The following TRAPPC9 variants were observed in gnomAD, a reference collection of about 807,000 sequenced individuals.
The protein encoded by TRAPPC9 is IKK2 binding protein.
TRAPPC9 carries 83 observed loss-of-function variants against 124.0 expected under a neutral mutation model. The observed-to-expected ratio is 0.67, with a 90% confidence interval of 0.56 to 0.80. TRAPPC9 has a LOEUF of 0.80. Ranked by LOEUF, TRAPPC9 falls within the 30% of genes least tolerant of loss-of-function variation. The probability of loss-of-function intolerance (pLI) is 0.00; values close to 1 mark genes in which losing one functional copy is unlikely to be tolerated. For missense variants in TRAPPC9, 1,302 were observed against 1,508.3 expected (o/e 0.86, Z 2.27); for synonymous variants, 638 against 617.5 (o/e 1.03, Z -0.49).
intron 18 of TRAPPC9, among the ~76,000 whole-genome samples, chr8:140,022,998 C>T (rs568788215): frequency 2.0e-5 from 3 of 152,350 alleles, no homozygotes; most frequent in African/African-American, 4.8e-5. Context: ...TGCTGTCTCA[C>T]GCTGCAGCAC....
intron 18 of TRAPPC9, among the ~76,000 whole-genome samples, chr8:140,010,195 T>C (rs958348382): frequency 3.3e-5 from 5 of 152,312 alleles, no homozygotes; most frequent in African/African-American, 1.2e-4. Context: ...TTGTAAAATC[T>C]TAGATTTTTG....
intron 17 of TRAPPC9, among the ~76,000 whole-genome samples, chr8:140,033,730 G>A (rs185759264): frequency 0.011 from 1,423 of 125,022 alleles, 24 homozygotes; most frequent in African/African-American, 0.038. Flanking sequence ...CGCCCAGGCT[G>A]GAGTGCAGGG....
At chr8:140,327,623 C>A (rs2066773206) in intron 9 of TRAPPC9, among the ~76,000 whole-genome samples, 1 of 152,120 alleles carries the variant, frequency 6.6e-6, no homozygotes. Context: ...TACAGATAAA[C>A]CTTAAAACAT....
intron 4 of TRAPPC9, among the ~76,000 whole-genome samples, chr8:140,429,286 T>C (rs550006005): frequency 4.6e-4 from 70 of 152,008 alleles, no homozygotes; most frequent in Non-Finnish European, 8.5e-4. Flanking sequence ...GACACGGGGT[T>C]TTACCATATT....
intron 21 of TRAPPC9, among the ~76,000 whole-genome samples, chr8:139,859,885 T>G (rs547671972): frequency 6.6e-6 from 1 of 152,288 alleles, no homozygotes; most frequent in South Asian, 2.1e-4. Context: ...TTAAAACAAG[T>G]CCAGCCCCTC....
chr8:140,254,459 T>C (rs537208899), intron 15 of TRAPPC9, among the ~76,000 whole-genome samples: 213 of 152,326 alleles, frequency 1.4e-3, no homozygotes, highest in African/African-American at 4.8e-3. Flanking sequence ...CTTCCCCAGC[T>C]GTGAGTGTCT....
In TRAPPC9 at chr8:140,356,906, G is replaced by A. The variant is rs549078794; in HGVS notation, c.1495+3144C>T. Among the ~76,000 whole-genome samples, 11 of 152,154 alleles carry A rather than the reference G, an allele frequency of 7.2e-5. No individual in the cohort carries two copies. In the South Asian group the frequency reaches 8.3e-4, roughly 11 times the overall value. On this transcript the variant is annotated intron_variant, in intron 9 of 22. Transcript: ENST00000438773. ...ATTACAGGAGTGAGCCACCATGCCC[G>A]GCCAAGAATGTGCTTTTGAAAAATG...
In TRAPPC9 at chr8:139,851,750, C is replaced by T. The variant is rs1021792595; in HGVS notation, c.3055+34129G>A. 1.4e-4 allele frequency among the ~76,000 whole-genome samples: 22 copies of T among 152,346 alleles called. 1 individual carries two copies. The highest frequency in any genetic ancestry group is 5.3e-4 in the African/African-American group (22 of 41,578). On this transcript the variant is annotated intron_variant, in intron 21 of 22. Coordinates refer to ENST00000438773, the MANE Select transcript of TRAPPC9 (RefSeq NM_001160372.4). ...GATCTTTGGAACATATGCATGGCTG[C>T]ATACAGTACTTGCTGTTAACATTAT...
At chr8:139,903,510 A>C (rs1269912550) in intron 20 of TRAPPC9, among the ~76,000 whole-genome samples, 1 of 152,130 alleles carries the variant, frequency 6.6e-6, no homozygotes, top group Non-Finnish European at 1.5e-5. Flanking sequence ...TTTGCAACAA[A>C]AACAAGGAAA....
In TRAPPC9 at chr8:139,729,887, G is replaced by T. The variant is rs1401935748; in HGVS notation, c.*1174C>A. Among the ~76,000 whole-genome samples, 4 of 152,190 alleles carry T rather than the reference G, an allele frequency of 2.6e-5. No homozygotes were observed. The highest frequency in any genetic ancestry group is 5.9e-5 in the Non-Finnish European group (4 of 68,028). On this transcript the variant is annotated 3_prime_UTR_variant, in exon 23 of 23. Transcript: ENST00000438773. ...TCAGTGCCCAACGGGCACCTGACGA[G>T]CCTGGTATCTGCTGGGGACCAAGGG...
chr8:140,026,241 C>A (rs184170587), intron 17 of TRAPPC9, among the ~76,000 whole-genome samples: 1 of 152,156 alleles, frequency 6.6e-6, no homozygotes, highest in Non-Finnish European at 1.5e-5. Flanking sequence ...CTCATCCATT[C>A]GTCTGTCAGC....
intron 19 of TRAPPC9, among the ~76,000 whole-genome samples, chr8:139,969,598 G>A (rs1424229672): frequency 3.9e-5 from 6 of 152,202 alleles, no homozygotes; most frequent in Admixed American, 2.0e-4. Flanking sequence ...AGGTGACAAG[G>A]CACATCTGCA....
chr8:140,154,309 C>T (rs924024040), intron 17 of TRAPPC9, among the ~76,000 whole-genome samples: 1 of 152,174 alleles, frequency 6.6e-6, no homozygotes, highest in Non-Finnish European at 1.5e-5. Flanking sequence ...TTCTCTCTGG[C>T]TCCACATCCA....
chr8:140,325,775 G>C (rs932451078), intron 9 of TRAPPC9, among the ~76,000 whole-genome samples: 5 of 152,130 alleles, frequency 3.3e-5, no homozygotes, highest in African/African-American at 9.7e-5. Context: ...GCACAACCCT[G>C]ACACCAAAAC....
chr8:139,902,873 C>T (rs1831106926), intron 20 of TRAPPC9, among the ~76,000 whole-genome samples: 1 of 152,190 alleles, frequency 6.6e-6, no homozygotes, highest in African/African-American at 2.4e-5. Context: ...AAATGGAGAA[C>T]AAAGCCCAGT....
chr8:139,880,523 C>T (rs1230755446), intron 21 of TRAPPC9, among the ~76,000 whole-genome samples: 1 of 152,172 alleles, frequency 6.6e-6, no homozygotes. Context: ...CCTCCCTGCA[C>T]TCCCCACCCT....
chr8:139,864,079 C>T (rs1255904818), intron 21 of TRAPPC9, among the ~76,000 whole-genome samples: 2 of 152,164 alleles, frequency 1.3e-5, no homozygotes, highest in African/African-American at 4.8e-5. Context: ...ACCACAAAGC[C>T]CCCCTCCCTC....
intron 17 of TRAPPC9, among the ~76,000 whole-genome samples, chr8:140,042,456 C>T (rs144383816): frequency 1.2e-4 from 18 of 152,312 alleles, no homozygotes; most frequent in South Asian, 6.2e-4. Flanking sequence ...AGGATGGTTC[C>T]GGCTGCTTTT....
intron 12 of TRAPPC9, among the ~76,000 whole-genome samples, chr8:140,290,455 G>A (rs549190909): frequency 8.4e-4 from 128 of 152,274 alleles, no homozygotes; most frequent in African/African-American, 3.0e-3. Context: ...AGAGAATTGG[G>A]TAAGCATTTC....
Sources: allele counts gnomAD v4.1 joint callset (sites outside exome capture counted in the v4.1 genomes callset), GRCh38; gene constraint gnomAD v4.1.1; transcripts MANE v1.5; gene names NCBI Gene and HGNC (gene_info 2026-07-23, HGNC 2026-07-21).